The following RABGAP1L variants were observed in gnomAD, a reference collection of about 807,000 sequenced individuals.
The protein encoded by RABGAP1L is rab GTPase-activating protein 1-like.
A neutral mutation model predicts 137.7 loss-of-function variants in RABGAP1L; 63 were observed. That is an observed-to-expected ratio of 0.46 (90% CI 0.37 to 0.56). The LOEUF is 0.56. RABGAP1L is among the 20% of genes least tolerant of loss of function. The pLI, the probability that RABGAP1L is intolerant of heterozygous loss-of-function variation, is 0.00. For synonymous variants in RABGAP1L, 431 were observed against 433.7 expected (o/e 0.99, Z 0.08); for missense variants, 1,095 against 1,244.0 (o/e 0.88, Z 1.80).
chr1:174,541,832 C>G (rs1306617656), intron 13 of RABGAP1L, among the ~76,000 whole-genome samples: 1 of 151,630 alleles, frequency 6.6e-6, no homozygotes, highest in Non-Finnish European at 1.5e-5. Flanking sequence ...AAGGCCTTTT[C>G]TGCATCTTTT....
chr1:174,676,601 C>T (rs963802781), intron 14 of RABGAP1L, among the ~76,000 whole-genome samples: 2 of 152,142 alleles, frequency 1.3e-5, no homozygotes, highest in South Asian at 4.1e-4. Flanking sequence ...ATTTGAGAAG[C>T]ACGTACTTTG....
Position 174,843,393 on chromosome 1 carries a change from A to G in RABGAP1L, c.2340+31433A>G, listed in dbSNP as rs1423298280. ...CCCTCCCCTCTCCCCCCACCCCACA[A>G]CAGTCCCCAGAGTGTGATATTCCCC... is the stretch of plus-strand genomic sequence containing the variant. On this transcript the variant is annotated intron_variant, in intron 19 of 25. Transcript: ENST00000681986. Among the ~76,000 whole-genome samples, 5 of 150,310 alleles carry G rather than the reference A, an allele frequency of 3.3e-5. No individual in the cohort carries two copies. In the East Asian group the frequency reaches 7.8e-4, roughly 24 times the overall value.
At chr1:174,822,634 T>G (rs1691152139) in intron 19 of RABGAP1L, among the ~76,000 whole-genome samples, 1 of 152,228 alleles carries the variant, frequency 6.6e-6, no homozygotes, top group Non-Finnish European at 1.5e-5. Flanking sequence ...CAGAGCAGTC[T>G]AGATCCCTTG....
chr1:174,615,365 C>A (rs1025632155), intron 13 of RABGAP1L, among the ~76,000 whole-genome samples: 4 of 152,194 alleles, frequency 2.6e-5, no homozygotes, highest in African/African-American at 9.7e-5. Flanking sequence ...GCCTGGGTAT[C>A]AGCAGCAGTG....
intron 17 of RABGAP1L, among the ~76,000 whole-genome samples, chr1:174,703,740 C>T (rs1319584432): frequency 6.6e-6 from 1 of 152,126 alleles, no homozygotes; most frequent in Non-Finnish European, 1.5e-5. Context: ...TCCTCACTAA[C>T]ATCTGTTATT....
chr1:174,414,276 G>A (rs1650288394), intron 13 of RABGAP1L, among the ~76,000 whole-genome samples: 1 of 151,798 alleles, frequency 6.6e-6, no homozygotes, highest in African/African-American at 2.4e-5. Context: ...CATATAATTG[G>A]ACCCATTTAT....
At chr1:174,905,181 A>G (rs938901767) in intron 19 of RABGAP1L, among the ~76,000 whole-genome samples, 1 of 152,220 alleles carries the variant, frequency 6.6e-6, no homozygotes, top group Admixed American at 6.5e-5. Flanking sequence ...GACAGAAAAT[A>G]CTGAAATAAA....
At chr1:174,297,481 G>C (rs919235154) in intron 10 of RABGAP1L, among the ~76,000 whole-genome samples, 6 of 152,210 alleles carry the variant, frequency 3.9e-5, no homozygotes, top group Non-Finnish European at 5.9e-5. Context: ...CGAACTTCTC[G>C]AGTTCCACTC....
chr1:174,987,185 TGAGACG>T (rs1420217825), intron 24 of RABGAP1L, among the ~76,000 whole-genome samples: 2 of 152,106 alleles, frequency 1.3e-5, no homozygotes, highest in Non-Finnish European at 2.9e-5. Context: ...TTTTTTTTTT[TGAGACG>T]GAGTCTTGCT....
chr1:174,553,342 A>G (rs1325607952), intron 13 of RABGAP1L, among the ~76,000 whole-genome samples: 1 of 152,164 alleles, frequency 6.6e-6, no homozygotes, highest in African/African-American at 2.4e-5. Context: ...GTTATCTTCC[A>G]GGGTTTTTGC....
At chr1:174,970,585 G>A (rs892371763) in intron 21 of RABGAP1L, among the ~76,000 whole-genome samples, 1 of 152,122 alleles carries the variant, frequency 6.6e-6, no homozygotes, top group Non-Finnish European at 1.5e-5. Flanking sequence ...TATGTGCCAA[G>A]CACTAAATAA....
chr1:174,278,549 A>G, intron 9 of RABGAP1L, 64 bp from the exon 10 acceptor site: 1 of 1,310,114 alleles, frequency 7.6e-7, no homozygotes, highest in Non-Finnish European at 1.1e-6. Context: ...AAGTGAGGAA[A>G]CTTTGTTTAA....
At chr1:174,383,864 C>T (rs1686469864) in intron 12 of RABGAP1L, among the ~76,000 whole-genome samples, 1 of 152,130 alleles carries the variant, frequency 6.6e-6, no homozygotes, top group Non-Finnish European at 1.5e-5. Context: ...AATGGTGTAG[C>T]CATTTTGGAA....
At chr1:174,548,041 C>T in intron 13 of RABGAP1L, 1 of 1,550,520 alleles carries the variant, frequency 6.4e-7, no homozygotes, top group Middle Eastern at 1.7e-4. Flanking sequence ...TATTAAGAGG[C>T]TTAATGCCTG....
At chr1:174,887,130 C>G (rs1655297759) in intron 19 of RABGAP1L, among the ~76,000 whole-genome samples, 1 of 151,986 alleles carries the variant, frequency 6.6e-6, no homozygotes, top group Admixed American at 6.6e-5. Context: ...TGTCCATGTT[C>G]CATTGACCAA....
intron 13 of RABGAP1L, among the ~76,000 whole-genome samples, chr1:174,411,044 C>A (rs1033271561): frequency 6.6e-6 from 1 of 152,062 alleles, no homozygotes; most frequent in South Asian, 2.1e-4. Context: ...TCAGCTTGAA[C>A]GATATTGCTA....
Position 174,771,965 on chromosome 1 carries a change from C to T in RABGAP1L, c.2211+19611C>T, listed in dbSNP as rs556800444. Among the ~76,000 whole-genome samples the T allele has an allele frequency of 3.3e-5, 5 of 152,258 alleles. No individual in the cohort carries two copies. The East Asian group carries it at 7.7e-4, about 23-fold the overall frequency. Reference sequence around the variant, plus strand: ...CTATAATCCCAGCACTTTGGAAGGCCGAGGCAGGTGGATCACGAGGTCAGA... The same window carrying T: ...CTATAATCCCAGCACTTTGGAAGGCTGAGGCAGGTGGATCACGAGGTCAGA... On this transcript the variant is annotated intron_variant, in intron 18 of 25. Transcript: ENST00000681986.
intron 12 of RABGAP1L, among the ~76,000 whole-genome samples, chr1:174,383,876 A>G (rs566457517): frequency 5.9e-5 from 9 of 152,298 alleles, no homozygotes; most frequent in Admixed American, 3.3e-4. Context: ...ATTTTGGAAA[A>G]TAGCATGGTA....
chr1:174,962,321 G>A lies in RABGAP1L; in HGVS notation c.2433+4772G>A, dbSNP rs140586449. ...ATCTGGAATGCTTAAACTCTCTTGG[G>A]TTTGGGACACAGACATTATTATAAA... On this transcript the variant is annotated intron_variant, in intron 20 of 25. Transcript: ENST00000681986. Among the ~76,000 whole-genome samples the A allele has an allele frequency of 9.2e-5, 14 of 151,610 alleles. No individual in the cohort carries two copies. In the East Asian group the frequency reaches 2.5e-3, roughly 27 times the overall value.
Sources: allele counts gnomAD v4.1 joint callset (sites outside exome capture counted in the v4.1 genomes callset), GRCh38; gene constraint gnomAD v4.1.1; transcripts MANE v1.5; gene names NCBI Gene and HGNC (gene_info 2026-07-23, HGNC 2026-07-21).